XYLT1: variants seen among roughly 807,000 people sequenced by gnomAD.
XYLT1 encodes beta-D-xylosyltransferase 1.
Under a neutral mutation model 91.3 loss-of-function variants are expected in XYLT1, and 36 were observed. The observed-to-expected ratio is 0.39, with a 90% CI of 0.30 to 0.52. The LOEUF is 0.52. Among genes scored for constraint, XYLT1 ranks in the 20% least tolerant of loss-of-function variants. The pLI, the probability that XYLT1 is intolerant of heterozygous loss-of-function variation, is 0.68. For synonymous variants in XYLT1, 588 were observed against 532.0 expected, an observed-to-expected ratio of 1.11 and a Z score of -1.45; for missense variants, 1,242 against 1,284.5, an observed-to-expected ratio of 0.97 and a Z score of 0.51.
chr16:17,398,012 G>A (rs867918063), intron 1 of XYLT1, among the ~76,000 whole-genome samples: 2 of 151,854 alleles, frequency 1.3e-5, no homozygotes, highest in East Asian at 1.9e-4. Flanking sequence ...TAGTAGAGAC[G>A]GGGTTTCACC....
chr16:17,216,347 G>A (rs1193780881), intron 3 of XYLT1, among the ~76,000 whole-genome samples: 1 of 152,076 alleles, frequency 6.6e-6, no homozygotes, highest in Non-Finnish European at 1.5e-5. Flanking sequence ...AACTCTCCAA[G>A]GATTAAGTGA....
intron 9 of XYLT1, among the ~76,000 whole-genome samples, chr16:17,132,732 G>GTCTC (rs2030540376): frequency 6.6e-6 from 1 of 152,130 alleles, no homozygotes; most frequent in African/African-American, 2.4e-5. Flanking sequence ...GTGAAATCCT[G>GTCTC]TCTCTACTAA....
chr16:17,456,112 G>A (rs1159725051), intron 1 of XYLT1, among the ~76,000 whole-genome samples: 1 of 152,120 alleles, frequency 6.6e-6, no homozygotes, highest in African/African-American at 2.4e-5. Flanking sequence ...TTCACTCTGT[G>A]CACACAGAGG....
At chr16:17,364,963 C>G (rs961187266) in intron 1 of XYLT1, among the ~76,000 whole-genome samples, 6 of 152,152 alleles carry the variant, frequency 3.9e-5, no homozygotes, top group African/African-American at 9.7e-5. Context: ...TTACATGATA[C>G]CTAAACTCTA....
chr16:17,459,983 G>A (rs565851348), intron 1 of XYLT1, among the ~76,000 whole-genome samples: 25 of 152,142 alleles, frequency 1.6e-4, no homozygotes, highest in Non-Finnish European at 7.3e-5. Context: ...CATGAGCCCC[G>A]TCTTCCATTC....
At chr16:17,141,666 T>C (rs2030979520) in intron 6 of XYLT1, among the ~76,000 whole-genome samples, 1 of 152,186 alleles carries the variant, frequency 6.6e-6, no homozygotes, top group Admixed American at 6.5e-5. Flanking sequence ...ACAGTGATCA[T>C]CTGCTACAGC....
chr16:17,315,726 A>T (rs2034620916), intron 2 of XYLT1, among the ~76,000 whole-genome samples: 1 of 152,206 alleles, frequency 6.6e-6, no homozygotes, highest in South Asian at 2.1e-4. Context: ...TAGAAAACGG[A>T]AGCTCAGAGA....
At chr16:17,272,815 T>A (rs1290232943) in intron 2 of XYLT1, among the ~76,000 whole-genome samples, 1 of 152,236 alleles carries the variant, frequency 6.6e-6, no homozygotes, top group Admixed American at 6.5e-5. Flanking sequence ...CACAGGCTCT[T>A]CCGGGAGGCC....
chr16:17,317,316 C>A (rs2034650506), intron 2 of XYLT1, among the ~76,000 whole-genome samples: 1 of 151,646 alleles, frequency 6.6e-6, no homozygotes, highest in Non-Finnish European at 1.5e-5. Context: ...AATGAATGCC[C>A]AAATTAAAAT....
intron 5 of XYLT1, among the ~76,000 whole-genome samples, chr16:17,184,652 G>A (rs768753604): frequency 1.3e-5 from 2 of 152,172 alleles, no homozygotes; most frequent in Middle Eastern, 3.2e-3. Flanking sequence ...ATACAGGATG[G>A]TGCTTATAGA....
chr16:17,262,340 G>A (rs760193712), intron 2 of XYLT1, among the ~76,000 whole-genome samples: 1 of 152,142 alleles, frequency 6.6e-6, no homozygotes, highest in Non-Finnish European at 1.5e-5. Context: ...TGGGGATGTC[G>A]AGTAATTTGC....
At chr16:17,297,914 G>A (rs1471214890) in intron 2 of XYLT1, among the ~76,000 whole-genome samples, 3 of 152,004 alleles carry the variant, frequency 2.0e-5, no homozygotes, top group African/African-American at 4.8e-5. Context: ...CCAGCTACTC[G>A]GGAGGCTGAG....
intron 2 of XYLT1, among the ~76,000 whole-genome samples, chr16:17,264,960 G>A (rs1486907175): frequency 1.3e-5 from 2 of 152,108 alleles, no homozygotes; most frequent in Non-Finnish European, 2.9e-5. Context: ...AGGCTGAGGC[G>A]GTCGGATCAT....
At chr16:17,214,312 G>A (rs1467000111) in intron 3 of XYLT1, among the ~76,000 whole-genome samples, 1 of 152,192 alleles carries the variant, frequency 6.6e-6, no homozygotes, top group Non-Finnish European at 1.5e-5. Context: ...TTAACTCTGG[G>A]AGGTCGGGCA....
chr16:17,448,897 T>A (rs971540392), intron 1 of XYLT1, among the ~76,000 whole-genome samples: 36 of 152,116 alleles, frequency 2.4e-4, no homozygotes, highest in African/African-American at 8.7e-4. Flanking sequence ...TTCATCATCA[T>A]CCCCATTTTA....
chr16:17,457,012 G>A (rs1291034738), intron 1 of XYLT1, among the ~76,000 whole-genome samples: 2 of 152,060 alleles, frequency 1.3e-5, no homozygotes, highest in African/African-American at 4.8e-5. Flanking sequence ...CATCTTGTGG[G>A]TAACACAGAC....
intron 5 of XYLT1, among the ~76,000 whole-genome samples, chr16:17,161,677 G>GCTCTCTCTCT (rs10676460): frequency 0.048 from 7,075 of 148,900 alleles, 198 homozygotes; most frequent in South Asian, 0.065. Context: ...TTTCTCGCGC[G>GCTCTCTCTCT]CTCTCTCTCT....
At chr16:17,168,865 C>T (rs1375905837) in intron 5 of XYLT1, among the ~76,000 whole-genome samples, 4 of 152,148 alleles carry the variant, frequency 2.6e-5, no homozygotes, top group African/African-American at 7.2e-5. Flanking sequence ...GACTCAGTAC[C>T]TTCAGCGGCT....
chr16:17,373,317 T>C (rs1175821440), intron 1 of XYLT1, among the ~76,000 whole-genome samples: 1 of 152,194 alleles, frequency 6.6e-6, no homozygotes, highest in Non-Finnish European at 1.5e-5. Context: ...CCACTGACGT[T>C]CATCAGGCAC....
Sources: gnomAD v4.1 joint callset for allele counts (sites outside exome capture counted in the v4.1 genomes callset) on GRCh38, gnomAD v4.1.1 for gene constraint, MANE v1.5 for transcripts, NCBI Gene and HGNC (gene_info 2026-07-23, HGNC 2026-07-21) for gene names.